The following MYLK variants were observed in gnomAD, a reference collection of about 807,000 sequenced individuals.
The protein encoded by MYLK is myosin light chain kinase, smooth muscle.
In MYLK, 106 loss-of-function variants were observed where a neutral mutation model predicts 203.4. The observed-to-expected ratio is 0.52, with a 90% CI of 0.45 to 0.61. MYLK has a LOEUF of 0.61. MYLK is among the 20% of genes least tolerant of loss of function. The probability of loss-of-function intolerance (pLI) is 0.00; values close to 1 mark genes in which losing one functional copy is unlikely to be tolerated. For missense variants in MYLK, 2,072 were observed against 2,442.3 expected (o/e 0.85, Z 3.20); for synonymous variants, 867 against 959.5 (o/e 0.90, Z 1.78).
chr3:123,809,158 C>T (rs2065469764), intron 3 of MYLK, among the ~76,000 whole-genome samples: 1 of 152,134 alleles, frequency 6.6e-6, no homozygotes, highest in African/African-American at 2.4e-5. Flanking sequence ...GACTTAAGGC[C>T]ACAACATTTC....
In MYLK at chr3:123,832,144, A is replaced by C. The variant is rs112614606; in HGVS notation, c.-126-474T>G. On this transcript the variant is annotated intron_variant, in intron 2 of 33. Transcript: ENST00000360304. ...AGGGCAGGAAAAGAAACACCAACAC[A>C]CTGGGAAAGCACTGTGCTTCTAGAG... Among the ~76,000 whole-genome samples the C allele has an allele frequency of 4.0e-3, 606 of 152,228 alleles. 5 individuals carry two copies. Among genetic ancestry groups the C allele is most frequent in the African/African-American group, 0.014 (589 of 41,542 alleles).
intron 30 of MYLK, 150 bp from the exon 31 acceptor site, chr3:123,627,091 T>G: frequency 1.1e-6 from 1 of 873,294 alleles, no homozygotes; most frequent in Non-Finnish European, 1.8e-6. Context: ...TCAGGATCAC[T>G]GTGCTCTTCA....
At chr3:123,673,482 G>A (rs1270856020) in intron 20 of MYLK, among the ~76,000 whole-genome samples, 1 of 151,960 alleles carries the variant, frequency 6.6e-6, no homozygotes, top group Admixed American at 6.6e-5. Flanking sequence ...ATCCCCAGAG[G>A]ACTTCTCTGT....
At chr3:123,726,670 G>A (rs1328222571) in intron 11 of MYLK, among the ~76,000 whole-genome samples, 3 of 152,156 alleles carry the variant, frequency 2.0e-5, no homozygotes, top group Non-Finnish European at 4.4e-5. Context: ...CAGAGCTGCC[G>A]GGGACCTGGG....
chr3:123,818,519 A>G (rs562207726), intron 3 of MYLK, among the ~76,000 whole-genome samples: 44 of 151,952 alleles, frequency 2.9e-4, no homozygotes, highest in Admixed American at 5.2e-4. Flanking sequence ...GCAAACCACA[A>G]CTCTACAAAA....
intron 4 of MYLK, among the ~76,000 whole-genome samples, chr3:123,773,350 T>C (rs2063949343): frequency 6.6e-6 from 1 of 152,238 alleles, no homozygotes; most frequent in African/African-American, 2.4e-5. Context: ...GATTGTTTTC[T>C]ATACTTTCTG....
chr3:123,815,541 G>A (rs532234084), intron 3 of MYLK, among the ~76,000 whole-genome samples: 2 of 152,224 alleles, frequency 1.3e-5, no homozygotes, highest in East Asian at 1.9e-4. Flanking sequence ...TGCCTCCCAT[G>A]GTCTTTTCCA....
chr3:123,753,614 C>G (rs1233343529), intron 4 of MYLK, among the ~76,000 whole-genome samples: 2 of 151,868 alleles, frequency 1.3e-5, no homozygotes, highest in Admixed American at 6.6e-5. Flanking sequence ...GAGATAAATT[C>G]AAAGAAAAGA....
At chr3:123,685,948 C>T (rs967822481) in intron 19 of MYLK, among the ~76,000 whole-genome samples, 4 of 152,168 alleles carry the variant, frequency 2.6e-5, no homozygotes, top group African/African-American at 7.2e-5. Flanking sequence ...GGGGTGGCCG[C>T]GCTCCACTTG....
intron 15 of MYLK, 65 bp downstream of exon 15, chr3:123,708,633 A>G: frequency 6.3e-7 from 1 of 1,597,218 alleles, no homozygotes; most frequent in Non-Finnish European, 8.6e-7. Flanking sequence ...CCTTGCCTCC[A>G]AATCACTTTT....
intron 13 of MYLK, chr3:123,715,960 C>T (rs1164532825): frequency 6.6e-6 from 1 of 152,186 alleles, no homozygotes; most frequent in East Asian, 1.9e-4. Flanking sequence ...AAATATTTTC[C>T]TTAGGCTTTG....
At chr3:123,660,625 T>C (rs571318770) in intron 23 of MYLK, among the ~76,000 whole-genome samples, 1 of 152,316 alleles carries the variant, frequency 6.6e-6, no homozygotes, top group East Asian at 1.9e-4. Flanking sequence ...AAAGGCTAGT[T>C]TTTATTATTG....
chr3:123,729,079 T>A (rs820334), intron 11 of MYLK, among the ~76,000 whole-genome samples: 149,248 of 152,248 alleles, frequency 0.98, 73,232 homozygotes, highest in Middle Eastern at 1. Context: ...GCCCAAATGG[T>A]TGTGCAGGGC....
intron 13 of MYLK, among the ~76,000 whole-genome samples, chr3:123,711,736 A>C (rs1373325903): frequency 6.6e-6 from 1 of 152,154 alleles, no homozygotes; most frequent in Non-Finnish European, 1.5e-5. Flanking sequence ...GAGGGTTAGG[A>C]TATCTCTAAC....
chr3:123,668,503 G>A (rs2059810916), intron 20 of MYLK, among the ~76,000 whole-genome samples: 1 of 151,244 alleles, frequency 6.6e-6, no homozygotes, highest in African/African-American at 2.4e-5. Context: ...GGTTGCCAGA[G>A]GTAGGGTGGG....
At chr3:123,649,335 C>T (rs972448141) in intron 24 of MYLK, 141 bp from the exon 25 acceptor site, 9 of 1,095,874 alleles carry the variant, frequency 8.2e-6, no homozygotes, top group African/African-American at 3.1e-5. Context: ...CTGGGCATCC[C>T]CTGGGGCTGG....
chr3:123,779,284 C>T (rs188024595), intron 4 of MYLK, among the ~76,000 whole-genome samples: 121 of 152,338 alleles, frequency 7.9e-4, no homozygotes, highest in African/African-American at 2.7e-3. Context: ...CCCTTGCACA[C>T]GGATGAGGCA....
At chr3:123,827,563 C>A (rs912466768) in intron 3 of MYLK, among the ~76,000 whole-genome samples, 2 of 150,906 alleles carry the variant, frequency 1.3e-5, no homozygotes, top group Non-Finnish European at 3.0e-5. Context: ...CAAAGCTAAC[C>A]TTCAGAAATG....
intron 2 of MYLK, among the ~76,000 whole-genome samples, chr3:123,863,123 C>G (rs2032055640): frequency 6.6e-6 from 1 of 152,076 alleles, no homozygotes; most frequent in South Asian, 2.1e-4. Context: ...AGAATAAAAA[C>G]AGTACCTAAC....
Sources: gnomAD v4.1 joint callset for allele counts (sites outside exome capture counted in the v4.1 genomes callset) on GRCh38, gnomAD v4.1.1 for gene constraint, MANE v1.5 for transcripts, NCBI Gene and HGNC (gene_info 2026-07-23, HGNC 2026-07-21) for gene names.